CATSPERD: variants seen among roughly 807,000 people sequenced by gnomAD.
The protein encoded by CATSPERD is catsper channel auxiliary subunit delta.
In CATSPERD, 86 loss-of-function variants were observed where a neutral mutation model predicts 98.1. The observed-to-expected ratio is 0.88, with a 90% CI of 0.74 to 1.05. CATSPERD has a LOEUF of 1.05. CATSPERD is among the 50% of genes least tolerant of loss of function. The probability of loss-of-function intolerance (pLI) is 0.00; values close to 1 mark genes in which losing one functional copy is unlikely to be tolerated. For missense variants in CATSPERD, 995 were observed against 1,005.7 expected (o/e 0.99, Z 0.14); for synonymous variants, 394 against 390.2 (o/e 1.01, Z -0.12).
chr19:5,720,895 A>C, intron 1 of CATSPERD, 87 bp downstream of exon 1: 4 of 1,076,692 alleles, frequency 3.7e-6, no homozygotes, highest in Non-Finnish European at 5.3e-6. Context: ...CTGCTCCCCA[A>C]CCTCACTGAG....
intron 18 of CATSPERD, among the ~76,000 whole-genome samples, chr19:5,769,424 A>G (rs1157169709): frequency 6.6e-6 from 1 of 152,006 alleles, no homozygotes; most frequent in African/African-American, 2.4e-5. Context: ...CAAGCCATTC[A>G]TAGCTCTGCC....
chr19:5,757,706 G>T, intron 13 of CATSPERD, 137 bp from the exon 14 acceptor site: 3 of 570,870 alleles, frequency 5.3e-6, no homozygotes, highest in Non-Finnish European at 6.0e-6. Context: ...CTCCCAAAGT[G>T]CTGGGATTAC....
chr19:5,757,789 C>A, intron 13 of CATSPERD, 54 bp from the exon 14 acceptor site: 2 of 1,434,448 alleles, frequency 1.4e-6, no homozygotes, highest in Non-Finnish European at 1.9e-6. Context: ...GGGTTTGTCA[C>A]CCCGTCCTGC....
intron 12 of CATSPERD, 37 bp from the exon 13 acceptor site, chr19:5,754,095 G>A (rs201295364): frequency 2.1e-5 from 29 of 1,404,684 alleles, no homozygotes; most frequent in Middle Eastern, 3.5e-4. Flanking sequence ...ATGGGAACAG[G>A]AGCATGATTA....
At chr19:5,766,303 A>AAC in intron 17 of CATSPERD, 148 bp downstream of exon 17, 1 of 508,706 alleles carries the variant, frequency 2.0e-6, no homozygotes, top group Non-Finnish European at 3.3e-6. Flanking sequence ...AAAAAAAAAA[A>AAC]AATTAGGCGT....
intron 16 of CATSPERD, among the ~76,000 whole-genome samples, chr19:5,764,061 C>A (rs1216530575): frequency 6.6e-6 from 1 of 151,566 alleles, no homozygotes; most frequent in Admixed American, 6.6e-5. Context: ...GTTGGCCAGG[C>A]TGGTCTTGAA....
chr19:5,770,276 A>G (rs1226995241), intron 18 of CATSPERD, among the ~76,000 whole-genome samples: 1 of 148,656 alleles, frequency 6.7e-6, no homozygotes. Flanking sequence ...TAAAAACACA[A>G]AAAATTAGCC....
intron 10 of CATSPERD, among the ~76,000 whole-genome samples, chr19:5,748,725 A>ATTTTT (rs1302338255): frequency 4.6e-5 from 3 of 65,028 alleles, no homozygotes; most frequent in Admixed American, 2.3e-4. Context: ...CTGTCATATT[A>ATTTTT]TTCTTTTTTT....
In CATSPERD at chr19:5,772,822, G is replaced by A. The variant is rs185241131; in HGVS notation, c.1798G>A (p.Ala600Thr). Residue 600 changes from alanine to threonine, a missense_variant, in exon 20 of 22, where the codon GCC becomes ACC. Ala to Thr is a moderately conservative substitution (Grantham distance 58). Coordinates refer to ENST00000381624, the MANE Select transcript of CATSPERD (RefSeq NM_152784.4). ...AGACAGTTTCCAGGAGGTCATCGAC[G>A]CCGAGTATGTGTTACTGGAGGTGAA... is the stretch of plus-strand genomic sequence containing the variant. ...RKDSFQEVID[A>T]EYVLLEVNGQ... 1.4e-3 allele frequency: 2,200 copies of A among 1,613,930 alleles called. 62 individuals carry two copies. The Admixed American group carries it at 0.033, about 24-fold the overall frequency.
At chr19:5,741,797 G>GA (rs1220935438) in intron 7 of CATSPERD, among the ~76,000 whole-genome samples, 1 of 90,146 alleles carries the variant, frequency 1.1e-5, no homozygotes, top group Non-Finnish European at 2.7e-5. Context: ...GGGGGGGGGG[G>GA]GTGGTGTGGA....
intron 18 of CATSPERD, among the ~76,000 whole-genome samples, chr19:5,769,526 A>T (rs1352560034): frequency 6.6e-6 from 1 of 152,068 alleles, no homozygotes; most frequent in East Asian, 1.9e-4. Flanking sequence ...TATCCAAACC[A>T]TACGAAGACC....
intron 4 of CATSPERD, 31 bp from the exon 5 acceptor site, chr19:5,733,825 T>G: frequency 7.3e-7 from 1 of 1,372,800 alleles, no homozygotes; most frequent in African/African-American, 1.5e-5. Flanking sequence ...AAAGATGCTC[T>G]CATTGATATC....
At chr19:5,777,008 G>A (rs2056751699) in intron 21 of CATSPERD, among the ~76,000 whole-genome samples, 1 of 152,096 alleles carries the variant, frequency 6.6e-6, no homozygotes, top group Non-Finnish European at 1.5e-5. Flanking sequence ...TCCCCTCTGA[G>A]AGCCAGTTGT....
chr19:5,749,180 C>G lies in CATSPERD; in HGVS notation c.984C>G (p.Ile328Met), dbSNP rs759366650. 1.9e-6 allele frequency: 3 copies of G among 1,609,672 alleles called. No individual in the cohort carries two copies. The highest frequency in any genetic ancestry group is 1.1e-5 in the South Asian group (1 of 90,638). The change falls in exon 11 of 22, where the codon ATC becomes ATG. Residue 328 changes from isoleucine to methionine, a missense_variant. Ile to Met is a conservative substitution (Grantham distance 10). Transcript: ENST00000381624. ...TGGGCATCGTGCCAAGTTCCATAAT[C>G]AAAGTAGGTAAAAAGAAAGTGGGGT... ...GNLGIVPSSI[I>M]KFADQYIWSE...
chr19:5,724,157 C>T (rs1237191222), intron 1 of CATSPERD, among the ~76,000 whole-genome samples: 2 of 151,800 alleles, frequency 1.3e-5, no homozygotes, highest in Admixed American at 6.6e-5. Context: ...AACTCCTGAC[C>T]TCAGCTGATC....
At position 5,760,405 on chromosome 19, in the gene CATSPERD, A is replaced by C. The variant is rs1954108927; in HGVS notation, c.1427+1261A>C. On this transcript the variant is annotated intron_variant, in intron 15 of 21. Transcript: ENST00000381624. ...TAGAGCAAAACTCGTTCTCAAAAAA[A>C]AAAAAAAGTAAGGGAATCCTGACGC... Among the ~76,000 whole-genome samples the C allele has an allele frequency of 2.6e-5, 4 of 151,820 alleles. No homozygotes were observed. In the South Asian group the frequency reaches 6.3e-4, roughly 24 times the overall value.
chr19:5,737,040 G>A, intron 5 of CATSPERD, 98 bp from the exon 6 acceptor site: 2 of 694,886 alleles, frequency 2.9e-6, no homozygotes, highest in Non-Finnish European at 4.9e-6. Context: ...CTGGGCGACA[G>A]AGCAAGACTC....
chr19:5,729,802 T>G, intron 3 of CATSPERD, 70 bp from the exon 4 acceptor site: 1 of 899,198 alleles, frequency 1.1e-6, no homozygotes, highest in Non-Finnish European at 1.8e-6. Context: ...CATTTTAGAG[T>G]ACCTCTATTG....
intron 9 of CATSPERD, 41 bp downstream of exon 9, chr19:5,746,104 C>G: frequency 4.4e-6 from 7 of 1,592,588 alleles, no homozygotes; most frequent in Non-Finnish European, 6.0e-6. Context: ...GCCTGGTGGC[C>G]TCCTCCAGAG....
Sources: gnomAD v4.1 joint callset for allele counts (sites outside exome capture counted in the v4.1 genomes callset) on GRCh38, gnomAD v4.1.1 for gene constraint, MANE v1.5 for transcripts, NCBI Gene and HGNC (gene_info 2026-07-23, HGNC 2026-07-21) for gene names.